CNTN6: variants seen among roughly 807,000 people sequenced by gnomAD.
The protein encoded by CNTN6 is contactin 6.
Under a neutral mutation model 122.8 loss-of-function variants are expected in CNTN6, and 137 were observed. That is an observed-to-expected ratio of 1.12 (90% confidence interval 0.97 to 1.29). CNTN6 has a LOEUF of 1.29. Among genes scored for constraint, CNTN6 ranks in the 50% most tolerant of loss-of-function variants. CNTN6 has a pLI of 0.00. For synonymous variants in CNTN6, 570 were observed against 426.0 expected (o/e 1.34, Z -4.16); for missense variants, 1,634 against 1,223.4 (o/e 1.34, Z -5.01).
intron 1 of CNTN6, among the ~76,000 whole-genome samples, chr3:1,096,644 G>C (rs2124922111): frequency 6.6e-6 from 1 of 152,226 alleles, no homozygotes; most frequent in East Asian, 1.9e-4. Context: ...CTTCTGTATT[G>C]TGATCTTGTA....
intron 5 of CNTN6, among the ~76,000 whole-genome samples, chr3:1,289,084 A>T (rs1694845895): frequency 6.6e-6 from 1 of 152,234 alleles, no homozygotes; most frequent in Non-Finnish European, 1.5e-5. Context: ...GAAAATATTT[A>T]AAAATTCAAT....
At chr3:1,275,109 T>A (rs907910023) in intron 4 of CNTN6, among the ~76,000 whole-genome samples, 4 of 152,220 alleles carry the variant, frequency 2.6e-5, no homozygotes, top group Admixed American at 2.6e-4. Flanking sequence ...GATCCTTCCA[T>A]GTGGGTTCTC....
intron 11 of CNTN6, among the ~76,000 whole-genome samples, chr3:1,339,637 G>C (rs955502347): frequency 6.6e-6 from 1 of 152,128 alleles, no homozygotes; most frequent in Non-Finnish European, 1.5e-5. Flanking sequence ...GAAGAGAAAA[G>C]TGGGAGGTAC....
At chr3:1,359,051 T>A (rs1028790432) in intron 12 of CNTN6, among the ~76,000 whole-genome samples, 5 of 152,138 alleles carry the variant, frequency 3.3e-5, no homozygotes, top group Middle Eastern at 3.4e-3. Context: ...TACAGCAAGA[T>A]CCTGTCCCCC....
intron 2 of CNTN6, among the ~76,000 whole-genome samples, chr3:1,181,618 C>T (rs374182501): frequency 6.6e-6 from 1 of 152,066 alleles, no homozygotes; most frequent in African/African-American, 2.4e-5. Context: ...GTATGTGTGT[C>T]TCCAGGTATT....
intron 4 of CNTN6, among the ~76,000 whole-genome samples, chr3:1,236,573 T>C (rs903133762): frequency 6.6e-6 from 1 of 152,190 alleles, no homozygotes; most frequent in African/African-American, 2.4e-5. Flanking sequence ...GACAAAAGAC[T>C]CTGAAGAGCA....
At chr3:1,233,734 CAAAA>C (rs1166507455) in intron 4 of CNTN6, among the ~76,000 whole-genome samples, 3 of 52,154 alleles carry the variant, frequency 5.8e-5, no homozygotes, top group East Asian at 5.6e-4. Flanking sequence ...GACTCTGTCT[CAAAA>C]AAAAAAAAAA....
At chr3:1,402,191 G>T (rs1695801397) in intron 21 of CNTN6, 127 bp from the exon 22 acceptor site, 2 of 640,370 alleles carry the variant, frequency 3.1e-6, no homozygotes, top group Non-Finnish European at 4.9e-6. Context: ...ACATCACTTG[G>T]ATATTTCCAT....
In CNTN6 at chr3:1,394,987, G is replaced by C. The variant is rs1251874547; in HGVS notation, c.2705-6446G>C. The stretch of plus-strand genomic sequence containing the variant: ...AAACTGAAGATTAGCGTTCCTTTAA[G>C]TATTCAGCTTTCTTAACTAAATCAA... On this transcript the variant is annotated intron_variant, in intron 20 of 22. Coordinates refer to ENST00000446702, the MANE Select transcript of CNTN6 (RefSeq NM_001289080.2). Among the ~76,000 whole-genome samples, 4 of 152,260 alleles carry C rather than the reference G, an allele frequency of 2.6e-5. No homozygotes were observed. In the South Asian group the frequency reaches 8.3e-4, roughly 32 times the overall value.
rs994734355 is a variant in CNTN6 at position 1,253,312 on chromosome 3, T to A, written c.359-25101T>A. On this transcript the variant is annotated intron_variant, in intron 4 of 22. Transcript: ENST00000446702. Reference sequence around the variant, plus strand: ...ATTATTCATTCTTTTATCTCACTAGTCTTGTTCTGCGAAAATTTGAGATCT... The same window carrying A: ...ATTATTCATTCTTTTATCTCACTAGACTTGTTCTGCGAAAATTTGAGATCT... 5.9e-5 allele frequency among the ~76,000 whole-genome samples: 9 copies of A among 152,198 alleles called. 1 individual carries two copies. The highest frequency in any genetic ancestry group is 1.0e-4 in the Non-Finnish European group (7 of 68,036).
intron 11 of CNTN6, among the ~76,000 whole-genome samples, chr3:1,350,195 G>C (rs973164176): frequency 3.3e-5 from 5 of 151,714 alleles, no homozygotes; most frequent in Non-Finnish European, 7.4e-5. Flanking sequence ...ACAGTGCATA[G>C]GGTGTCTTGT....
chr3:1,265,928 T>C (rs2094919082), intron 4 of CNTN6, among the ~76,000 whole-genome samples: 1 of 152,184 alleles, frequency 6.6e-6, no homozygotes, highest in Non-Finnish European at 1.5e-5. Context: ...AAAAAACATA[T>C]TTATTACCAC....
intron 7 of CNTN6, among the ~76,000 whole-genome samples, chr3:1,319,273 G>T (rs1405099226): frequency 6.6e-6 from 1 of 151,664 alleles, no homozygotes; most frequent in East Asian, 2.0e-4. Flanking sequence ...TGTGAAGTCA[G>T]TATTCCTTTG....
chr3:1,103,945 TA>T (rs2091085748), intron 1 of CNTN6, among the ~76,000 whole-genome samples: 1 of 152,128 alleles, frequency 6.6e-6, no homozygotes, highest in African/African-American at 2.4e-5. Flanking sequence ...TTAATTCTGA[TA>T]AATAATTTAA....
chr3:1,196,435 GA>G (rs1339906575), intron 2 of CNTN6, among the ~76,000 whole-genome samples: 3 of 152,126 alleles, frequency 2.0e-5, no homozygotes, highest in Non-Finnish European at 4.4e-5. Flanking sequence ...CTTCTTTTCA[GA>G]TCCATAAGAA....
At chr3:1,124,281 C>T (rs992260381) in intron 1 of CNTN6, among the ~76,000 whole-genome samples, 2 of 151,840 alleles carry the variant, frequency 1.3e-5, no homozygotes, top group African/African-American at 4.8e-5. Flanking sequence ...GATTGAGAAA[C>T]CCTGAATTAT....
At chr3:1,144,235 A>C (rs1415804930) in intron 1 of CNTN6, among the ~76,000 whole-genome samples, 2 of 152,160 alleles carry the variant, frequency 1.3e-5, no homozygotes, top group East Asian at 3.8e-4. Flanking sequence ...ACATTGAGTC[A>C]GTGTGCTCTA....
rs1282174785 is a variant in CNTN6 at position 1,373,771 on chromosome 3, C to T, written c.1945+9C>T. The T allele has an allele frequency of 3.8e-6, 6 of 1,583,760 alleles. No homozygotes were observed. Among genetic ancestry groups the T allele is most frequent in the Admixed American group, 1.8e-5 (1 of 55,396 alleles). ...GCAGGCTGTTGCTACAGGTGAGTGACAAAAGTGTTTTGGGTCACTTTAAAA... is the reference window on the plus strand; with the variant it reads ...GCAGGCTGTTGCTACAGGTGAGTGATAAAAGTGTTTTGGGTCACTTTAAAA... On this transcript the variant is annotated intron_variant, in intron 15 of 22. Transcript: ENST00000446702.
At chr3:1,237,668 T>C (rs1028133944) in intron 4 of CNTN6, among the ~76,000 whole-genome samples, 2 of 152,156 alleles carry the variant, frequency 1.3e-5, no homozygotes, top group African/African-American at 2.4e-5. Flanking sequence ...AGGTAACCTA[T>C]AAAGGAAAAC....
Sources: gnomAD v4.1 joint callset for allele counts (sites outside exome capture counted in the v4.1 genomes callset) on GRCh38, gnomAD v4.1.1 for gene constraint, MANE v1.5 for transcripts, NCBI Gene and HGNC (gene_info 2026-07-23, HGNC 2026-07-21) for gene names.